HNF4A: variants seen among roughly 807,000 people sequenced by gnomAD.
The protein encoded by HNF4A is hepatocyte nuclear factor 4 alpha.
A neutral mutation model predicts 52.4 loss-of-function variants in HNF4A; 15 were observed. The ratio of observed to expected loss-of-function variants is 0.29; its 90% CI spans 0.19 to 0.44. The LOEUF is 0.44. Among genes scored for constraint, HNF4A ranks in the 20% least tolerant of loss-of-function variants. The pLI, the probability that HNF4A is intolerant of heterozygous loss-of-function variation, is 1.00. For synonymous variants in HNF4A, 280 were observed against 264.4 expected (o/e 1.06, Z -0.57); for missense variants, 479 against 647.2 (o/e 0.74, Z 2.82).
chr20:44,401,155 G>T (rs1361003792), upstream of HNF4A: 15 of 1,415,310 alleles, frequency 1.1e-5, no homozygotes, highest in Non-Finnish European at 1.2e-5. Context: ...CTATCCACCG[G>T]CGGGGGACCG....
At chr20:44,382,525 T>C (rs972468928) in intron 1 of HNF4A, among the ~76,000 whole-genome samples, 11 of 152,124 alleles carry the variant, frequency 7.2e-5, no homozygotes, top group African/African-American at 2.7e-4. Flanking sequence ...GCATGAGCCA[T>C]GCCGCTGCAC....
chr20:44,390,559 G>C, intron 1 of HNF4A: 1 of 701,014 alleles, frequency 1.4e-6, no homozygotes, highest in Non-Finnish European at 2.6e-6. Flanking sequence ...AGGGTCTGGG[G>C]TGCTGAGAGG....
At chr20:44,398,317 C>T (rs952862529), upstream of HNF4A, among the ~76,000 whole-genome samples, 20 of 152,208 alleles carry the variant, frequency 1.3e-4, no homozygotes, top group African/African-American at 4.8e-4. Flanking sequence ...TATTACTGAA[C>T]TATAGGTGCA....
intron 1 of HNF4A, chr20:44,402,466 G>A (rs1023507221): frequency 9.3e-6 from 8 of 856,752 alleles, no homozygotes; most frequent in Non-Finnish European, 3.4e-6. Flanking sequence ...TGGTGTGCAC[G>A]ACTGCACAGA....
chr20:44,411,495 T>A (rs2063581860), intron 3 of HNF4A, among the ~76,000 whole-genome samples: 1 of 135,290 alleles, frequency 7.4e-6, no homozygotes, highest in Non-Finnish European at 1.6e-5. Context: ...GATGGGTGGG[T>A]GCGGGTGCTG....
chr20:44,385,267 T>A (rs1028403529), intron 1 of HNF4A, among the ~76,000 whole-genome samples: 12 of 151,318 alleles, frequency 7.9e-5, no homozygotes, highest in Non-Finnish European at 1.3e-4. Flanking sequence ...AGAGGCCTCC[T>A]TGAGGAGTTT....
chr20:44,388,893 C>T (rs533098795), intron 1 of HNF4A, among the ~76,000 whole-genome samples: 1 of 152,330 alleles, frequency 6.6e-6, no homozygotes, highest in East Asian at 1.9e-4. Context: ...GTTCCTTTGG[C>T]CTCTTCCCCT....
intron 1 of HNF4A, among the ~76,000 whole-genome samples, chr20:44,374,078 T>C (rs180895514): frequency 1.9e-3 from 294 of 152,322 alleles, no homozygotes; most frequent in Middle Eastern, 0.014. Context: ...TAGGCTATGA[T>C]TGAGCTCATC....
intron 3 of HNF4A, among the ~76,000 whole-genome samples, chr20:44,411,222 G>T (rs1456226098): frequency 1.3e-5 from 2 of 152,046 alleles, no homozygotes; most frequent in East Asian, 3.9e-4. Context: ...GGAAGCCCCT[G>T]CCCTGCTCCC....
Position 44,413,708 on chromosome 20 carries a change from C to G in HNF4A, c.400C>G (p.Arg134Gly). The G allele has an allele frequency of 6.2e-7, 1 of 1,613,424 alleles. No homozygotes were observed. Reference sequence around the variant, plus strand: ...CCTCCTCACAGCCGTCCAGAATGAGCGGGACCGGATCAGCACTCGAAGGTC... The same window carrying G: ...CCTCCTCACAGCCGTCCAGAATGAGGGGGACCGGATCAGCACTCGAAGGTC... Residue 134 changes from arginine (R) to glycine (G), a missense_variant, in exon 4 of 10, where the codon CGG (arginine) becomes GGG (glycine). This residue lies in a region of HNF4A where 389 missense variants were observed against 525.1 expected (regional missense o/e 0.74). Transcript: ENST00000316099.
chr20:44,407,627 C>T, intron 3 of HNF4A, 152 bp downstream of exon 3: 1 of 709,426 alleles, frequency 1.4e-6, no homozygotes, highest in Non-Finnish European at 2.5e-6. Flanking sequence ...GCCTGGAAAT[C>T]TGACCATAGG....
chr20:44,379,789 A>G (rs2063131465), intron 1 of HNF4A, among the ~76,000 whole-genome samples: 1 of 136,942 alleles, frequency 7.3e-6, no homozygotes, highest in Non-Finnish European at 1.5e-5. Flanking sequence ...ACTGGGGTGC[A>G]GTGGCGCGAT....
chr20:44,405,378 G>A (rs1156399552), intron 1 of HNF4A, among the ~76,000 whole-genome samples: 2 of 152,172 alleles, frequency 1.3e-5, no homozygotes, highest in Non-Finnish European at 2.9e-5. Flanking sequence ...CAGGGAAAGC[G>A]AAGTTGCCCA....
In HNF4A at chr20:44,386,016, C is replaced by T. The variant is rs190985204; in HGVS notation, c.50-20042C>T. Among the ~76,000 whole-genome samples, 47 of 141,758 alleles carry T rather than the reference C, an allele frequency of 3.3e-4. No individual in the cohort carries two copies. In the South Asian group the frequency reaches 6.5e-3, roughly 20 times the overall value. The allele number at this position is 141,758 out of a possible 152,430, so 93.0% of individuals were successfully genotyped here. On this transcript the variant is annotated intron_variant, in intron 1 of 9. Coordinates refer to the HNF4A transcript ENST00000316673. ...CTGGGATTACAGGCATGCACCATCA[C>T]GCCTGGCTAATTTTTTTTTTAATAG...
intron 3 of HNF4A, among the ~76,000 whole-genome samples, chr20:44,412,480 C>A (rs530648889): frequency 1.3e-5 from 2 of 151,944 alleles, no homozygotes; most frequent in Admixed American, 1.3e-4. Context: ...GGTGGGGAGG[C>A]GGGTTTTCGC....
intron 1 of HNF4A, among the ~76,000 whole-genome samples, chr20:44,375,969 G>A (rs562216658): frequency 5.3e-5 from 8 of 152,210 alleles, no homozygotes; most frequent in Admixed American, 1.3e-4. Context: ...TTCTAGGGCC[G>A]GGCATGGTGG....
At position 44,355,831 on chromosome 20, in the gene HNF4A, G is replaced by T. The variant is rs889744956; in HGVS notation, c.27G>T (p.Gly9=). 2.5e-6 allele frequency: 4 copies of T among 1,613,532 alleles called. No homozygotes were observed. In the African/African-American group the frequency reaches 5.3e-5, roughly 22 times the overall value. The change falls in exon 1 of 10, where the codon GGG becomes GGT. Residue 9 remains glycine (G), a synonymous_variant. Transcript: ENST00000316673. ...TGGTCAGCGTGAACGCGCCCCTCGG[G>T]GCTCCAGTGGAGAGTTCTTACGGTA... is the stretch of plus-strand genomic sequence containing the variant.
At chr20:44,416,124 C>T (rs189087610) in intron 5 of HNF4A, among the ~76,000 whole-genome samples, 86 of 152,290 alleles carry the variant, frequency 5.6e-4, no homozygotes, top group Non-Finnish European at 1.1e-3. Context: ...TAACACACCA[C>T]CCCGACCTCC....
chr20:44,384,475 A>G (rs1452437642), intron 1 of HNF4A: 1 of 152,188 alleles, frequency 6.6e-6, no homozygotes, highest in Non-Finnish European at 1.5e-5. Flanking sequence ...GCAACCACAA[A>G]AAAACCCCTA....
Sources: allele counts gnomAD v4.1 joint callset (sites outside exome capture counted in the v4.1 genomes callset), GRCh38; gene constraint gnomAD v4.1.1; regional missense constraint gnomAD v4.1.1; transcripts MANE v1.5; gene names NCBI Gene and HGNC (gene_info 2026-07-23, HGNC 2026-07-21).